The following CRB1 variants were observed in gnomAD, a reference collection of about 807,000 sequenced individuals.
The protein encoded by CRB1 is crumbs cell polarity complex component 1.
In CRB1, 83 loss-of-function variants were observed where a neutral mutation model predicts 120.0. That is an observed-to-expected ratio of 0.69 (90% CI 0.58 to 0.83). The LOEUF is 0.83. CRB1 is among the 40% of genes least tolerant of loss of function. The pLI is 0.00. For missense variants in CRB1, 1,699 were observed against 1,687.6 expected (o/e 1.01, Z -0.12); for synonymous variants, 625 against 612.5 (o/e 1.02, Z -0.30).
At chr1:197,471,267 T>A (rs1666966940) in intron 11 of CRB1, among the ~76,000 whole-genome samples, 1 of 152,136 alleles carries the variant, frequency 6.6e-6, no homozygotes, top group African/African-American at 2.4e-5. Flanking sequence ...ATGGTGAGAA[T>A]TAATGAGAAA....
chr1:197,218,733 A>G, the CRB1 span, among the ~76,000 whole-genome samples: 10 of 152,174 alleles, frequency 6.6e-5, no homozygotes, highest in African/African-American at 2.4e-4. Context: ...CAAAGGAGCT[A>G]ATTTATTTTT....
intron 5 of CRB1, among the ~76,000 whole-genome samples, chr1:197,415,736 G>T (rs551210175): frequency 6.2e-5 from 9 of 145,092 alleles, no homozygotes; most frequent in Middle Eastern, 3.8e-3. Context: ...TCCGCCTCCC[G>T]GGTTGACGCC....
intron 2 of CRB1, among the ~76,000 whole-genome samples, chr1:197,338,815 T>A (rs1402908311): frequency 6.6e-6 from 1 of 152,086 alleles, no homozygotes; most frequent in Non-Finnish European, 1.5e-5. Context: ...TAAAGACAAA[T>A]TTTCTGTATC....
In CRB1 at chr1:197,347,357, C is replaced by A. The variant is rs62636263; in HGVS notation, c.866C>A (p.Thr289Lys). ...DGENRYSCNCTGSGFTGTHCE... is the reference protein window; with the variant it reads ...DGENRYSCNCKGSGFTGTHCE... ...CTTTCCAGATATAGCTGTAACTGCA[C>A]GGGTAGTGGATTCACAGGGACACAC... Residue 289 changes from threonine to lysine, a missense_variant, in exon 4 of 12, where the codon ACG (threonine) becomes AAG (lysine). Transcript: ENST00000367400. The A allele has an allele frequency of 9.3e-6, 15 of 1,613,734 alleles. No individual in the cohort carries two copies. The South Asian group carries it at 1.2e-4, about 13-fold the overall frequency.
intron 4 of CRB1, among the ~76,000 whole-genome samples, chr1:197,349,346 GTTTGTC>G (rs1312166522): frequency 1.3e-5 from 2 of 152,126 alleles, no homozygotes; most frequent in African/African-American, 4.8e-5. Flanking sequence ...CAGAACAAAT[GTTTGTC>G]TTTAAGTGAT....
intron 2 of CRB1, among the ~76,000 whole-genome samples, chr1:197,334,605 G>C (rs1420899365): frequency 6.6e-6 from 1 of 152,178 alleles, no homozygotes; most frequent in African/African-American, 2.4e-5. Flanking sequence ...CAGACACCAA[G>C]CCCACTGGAA....
rs528559338 is a variant in CRB1, at chr1:197,466,450, G to C, written c.4006-11214G>C. ...TTACTGAGAGACTTATTCGAATGTA[G>C]GCTTGGACCAAATAATTTTCTGATA... On this transcript the variant is annotated intron_variant, in intron 11 of 11. Transcript: ENST00000367400. Among the ~76,000 whole-genome samples the C allele has an allele frequency of 2.6e-4, 40 of 152,196 alleles. 1 individual carries two copies. Among genetic ancestry groups the C allele is most frequent in the Non-Finnish European group, 5.6e-4 (38 of 67,998 alleles).
chr1:197,434,630 A>G (rs1665033737), intron 8 of CRB1, 76 bp from the exon 9 acceptor site: 2 of 1,242,308 alleles, frequency 1.6e-6, no homozygotes, highest in African/African-American at 1.5e-5. Flanking sequence ...CACAATGATC[A>G]TTACTATTAA....
chr1:197,358,659 G>A (rs910074419), intron 5 of CRB1, among the ~76,000 whole-genome samples: 21 of 152,084 alleles, frequency 1.4e-4, no homozygotes, highest in African/African-American at 4.1e-4. Flanking sequence ...TTTTTCCCCC[G>A]CTTCAAAATG....
intron 1 of CRB1, among the ~76,000 whole-genome samples, chr1:197,316,754 C>T (rs1657870951): frequency 6.6e-6 from 1 of 151,672 alleles, no homozygotes; most frequent in Non-Finnish European, 1.5e-5. Context: ...TGGAGAACAC[C>T]CCAATGACTT....
At chr1:197,474,085 T>C (rs1003030807) in intron 11 of CRB1, among the ~76,000 whole-genome samples, 3 of 152,212 alleles carry the variant, frequency 2.0e-5, no homozygotes, top group African/African-American at 7.2e-5. Context: ...TTCTAGTTTA[T>C]CTTTTAAAAG....
chr1:197,334,133 T>A (rs1310606862), intron 2 of CRB1, among the ~76,000 whole-genome samples: 1 of 152,182 alleles, frequency 6.6e-6, no homozygotes, highest in African/African-American at 2.4e-5. Context: ...AATATGCATT[T>A]AAAACAAGTT....
At chr1:197,417,948 A>G (rs1664092463) in intron 5 of CRB1, among the ~76,000 whole-genome samples, 2 of 152,030 alleles carry the variant, frequency 1.3e-5, no homozygotes, top group Admixed American at 6.5e-5. Flanking sequence ...TTTGATCATT[A>G]TATGTGACTG....
intron 2 of CRB1, among the ~76,000 whole-genome samples, chr1:197,333,113 T>C (rs903207209): frequency 1.3e-5 from 2 of 152,162 alleles, no homozygotes; most frequent in African/African-American, 2.4e-5. Flanking sequence ...CCTGTGTTCC[T>C]CTGAGCAGCA....
At chr1:197,373,595 G>A (rs10801604) in intron 5 of CRB1, among the ~76,000 whole-genome samples, 40,477 of 152,058 alleles carry the variant, frequency 0.27, 5,802 homozygotes, top group Middle Eastern at 0.39. Context: ...TCCTGCCCAT[G>A]GCCATATTTA....
Position 197,421,658 on chromosome 1 carries a change from C to T in CRB1, c.1830C>T (p.Asn610=). The T allele has an allele frequency of 1.2e-6, 2 of 1,614,216 alleles. No homozygotes were observed. Among genetic ancestry groups the T allele is most frequent in the Non-Finnish European group, 1.7e-6 (2 of 1,180,032 alleles). The change falls in exon 6 of 12, where the codon AAC becomes AAT. Residue 610 remains asparagine (N), a synonymous_variant. Coordinates refer to ENST00000367400, the MANE Select transcript of CRB1 (RefSeq NM_201253.3). ...ESDQSICAFQ[N]SFLGGLPVGM... ...ATCAATCAATATGTGCTTTTCAGAA[C>T]TCCTTTTTGGGTGGTTTACCAGTGG... is the stretch of plus-strand genomic sequence containing the variant.
the CRB1 span, among the ~76,000 whole-genome samples, chr1:197,260,579 G>C: frequency 6.6e-6 from 1 of 151,494 alleles, no homozygotes; most frequent in Admixed American, 6.6e-5. Context: ...AAATCAAATA[G>C]ATAAAGAAAA....
chr1:197,364,074 C>A, intron 5 of CRB1: 1 of 1,298,724 alleles, frequency 7.7e-7, no homozygotes, highest in Non-Finnish European at 1.1e-6. Context: ...CGTGGCGGGG[C>A]TGCTGAGGCG....
chr1:197,203,801 CTT>C, the CRB1 span, among the ~76,000 whole-genome samples: 8 of 152,126 alleles, frequency 5.3e-5, no homozygotes, highest in Admixed American at 4.6e-4. Flanking sequence ...TTACTTTTGA[CTT>C]TTTAATTTCA....
Sources: allele counts gnomAD v4.1 joint callset (sites outside exome capture counted in the v4.1 genomes callset), GRCh38; gene constraint gnomAD v4.1.1; transcripts MANE v1.5; gene names NCBI Gene and HGNC (gene_info 2026-07-23, HGNC 2026-07-21).